The following TXK variants were observed in gnomAD, a reference collection of about 807,000 sequenced individuals.
TXK encodes TXK tyrosine kinase.
A neutral mutation model predicts 81.0 loss-of-function variants in TXK; 60 were observed. The observed-to-expected ratio is 0.74, with a 90% CI of 0.60 to 0.92. TXK has a LOEUF of 0.92. Among genes scored for constraint, TXK ranks in the 40% least tolerant of loss-of-function variants. TXK has a pLI of 0.00. For missense variants in TXK, 581 were observed against 638.3 expected (o/e 0.91, Z 0.97); for synonymous variants, 203 against 210.7 (o/e 0.96, Z 0.32).
chr4:48,101,741 A>G (rs1397851762), intron 6 of TXK, among the ~76,000 whole-genome samples: 1 of 151,958 alleles, frequency 6.6e-6, no homozygotes, highest in South Asian at 2.1e-4. Flanking sequence ...AATACATTTA[A>G]AAGAGGATAG....
At chr4:48,102,241 A>G (rs1718223968) in intron 6 of TXK, among the ~76,000 whole-genome samples, 1 of 152,228 alleles carries the variant, frequency 6.6e-6, no homozygotes, top group Non-Finnish European at 1.5e-5. Context: ...GGCCTCCCGA[A>G]GTGCTGGGAT....
At chr4:48,105,361 T>C (rs1254403729) in intron 5 of TXK, among the ~76,000 whole-genome samples, 2 of 152,204 alleles carry the variant, frequency 1.3e-5, no homozygotes, top group Non-Finnish European at 2.9e-5. Context: ...GGTGCTTTGT[T>C]ACCCCTTCCA....
intron 11 of TXK, among the ~76,000 whole-genome samples, chr4:48,078,410 T>C (rs560903288): frequency 4.4e-4 from 67 of 152,290 alleles, no homozygotes; most frequent in Admixed American, 1.6e-3. Flanking sequence ...ACTTTGATCA[T>C]GTGTGATGGA....
intron 6 of TXK, among the ~76,000 whole-genome samples, chr4:48,101,381 G>C (rs1296453937): frequency 6.6e-6 from 1 of 152,076 alleles, no homozygotes; most frequent in Non-Finnish European, 1.5e-5. Flanking sequence ...TCCAGAGATT[G>C]GAAAGACAGA....
intron 8 of TXK, among the ~76,000 whole-genome samples, chr4:48,090,493 T>C (rs1408736710): frequency 6.6e-6 from 1 of 152,238 alleles, no homozygotes; most frequent in Admixed American, 6.5e-5. Flanking sequence ...TATAGATTTC[T>C]ATACATCAAA....
chr4:48,106,965 T>C (rs1718478349), intron 5 of TXK, among the ~76,000 whole-genome samples: 1 of 152,190 alleles, frequency 6.6e-6, no homozygotes. Flanking sequence ...TTTATAAGTT[T>C]AGTTTATTAG....
intron 6 of TXK, among the ~76,000 whole-genome samples, chr4:48,098,263 T>A (rs2109442180): frequency 6.6e-6 from 1 of 152,272 alleles, no homozygotes; most frequent in East Asian, 1.9e-4. Flanking sequence ...GTCTTATCAA[T>A]GTAAAAATTC....
At chr4:48,126,441 A>G (rs538345847) in intron 1 of TXK, among the ~76,000 whole-genome samples, 3 of 152,208 alleles carry the variant, frequency 2.0e-5, no homozygotes, top group African/African-American at 7.2e-5. Context: ...GGCTATGAGT[A>G]GTTACATTTT....
intron 14 of TXK, among the ~76,000 whole-genome samples, chr4:48,070,149 A>G (rs998221501): frequency 6.6e-6 from 1 of 152,204 alleles, no homozygotes; most frequent in African/African-American, 2.4e-5. Context: ...CTTCTCATCA[A>G]GCTGCAATTT....
At chr4:48,133,853 C>T (rs1719307295) in intron 1 of TXK, among the ~76,000 whole-genome samples, 1 of 152,194 alleles carries the variant, frequency 6.6e-6, no homozygotes, top group Non-Finnish European at 1.5e-5. Flanking sequence ...GAGCTCATTA[C>T]AGTCTCATTC....
intron 1 of TXK, among the ~76,000 whole-genome samples, chr4:48,133,675 A>G (rs1162707993): frequency 2.0e-5 from 3 of 152,270 alleles, no homozygotes; most frequent in African/African-American, 7.2e-5. Context: ...ATTTCAGAGT[A>G]TAAACACAGT....
At position 48,080,133 on chromosome 4, in the gene TXK, T is replaced by C. The variant is rs773791710; in HGVS notation, c.957-5A>G. On this transcript the variant is annotated splice_polypyrimidine_tract_variant and splice_region_variant and intron_variant, in intron 10 of 14. Transcript: ENST00000264316. Reference sequence around the variant, plus strand: ...AGCTTTGAATGAGATAATTTCCTGGTGAAGAAAAACATACACCAGTGAGCA... The same window carrying C: ...AGCTTTGAATGAGATAATTTCCTGGCGAAGAAAAACATACACCAGTGAGCA... 6.2e-7 allele frequency: 1 copy of C among 1,609,720 alleles called. No homozygotes were observed. The highest frequency in any genetic ancestry group is 8.5e-7 in the Non-Finnish European group (1 of 1,176,122).
chr4:48,089,825 C>A lies in TXK; in HGVS notation c.710-1G>T, dbSNP rs1025510795. ...GGATATCGGAGACGAGTCATGAGAC[C>A]TAAGGAGAAAGAGAAATCAATATTT... On this transcript the variant is annotated splice_acceptor_variant, in intron 8 of 14. Transcript: ENST00000264316. LOFTEE classifies it high-confidence loss of function. The A allele has an allele frequency of 6.2e-7, 1 of 1,610,406 alleles. No homozygotes were observed. Among genetic ancestry groups the A allele is most frequent in the Middle Eastern group, 1.7e-4 (1 of 6,042 alleles).
intron 6 of TXK, among the ~76,000 whole-genome samples, chr4:48,098,027 A>G (rs1013329790): frequency 6.6e-6 from 1 of 151,974 alleles, no homozygotes; most frequent in African/African-American, 2.4e-5. Flanking sequence ...GATTACAGGC[A>G]TGAGCCACCA....
At chr4:48,090,979 G>T (rs1451722519) in intron 8 of TXK, among the ~76,000 whole-genome samples, 1 of 152,210 alleles carries the variant, frequency 6.6e-6, no homozygotes, top group East Asian at 1.9e-4. Context: ...AGTGCCTATT[G>T]TGTGCAAGGC....
intron 14 of TXK, among the ~76,000 whole-genome samples, chr4:48,069,094 G>GCC (rs1716728857): frequency 8.7e-6 from 1 of 115,398 alleles, no homozygotes; most frequent in Admixed American, 9.2e-5. Flanking sequence ...AAGGTAGGAG[G>GCC]ACTGCTTGAG....
rs1716644233 is a variant in TXK, at chr4:48,067,334, C to T, written c.*303G>A. The T allele has an allele frequency of 1.1e-5, 3 of 283,328 alleles. 1 individual carries two copies. Among genetic ancestry groups the T allele is most frequent in the African/African-American group, 6.6e-5 (3 of 45,612 alleles). 17.6% of individuals were successfully genotyped at this position (283,328 alleles called of 1,614,324 possible). On this transcript the variant is annotated 3_prime_UTR_variant, in exon 15 of 15. Coordinates refer to ENST00000264316, the MANE Select transcript of TXK (RefSeq NM_003328.3). ...AGAAGAACCTCAAGGGTTCCTGGGG[C>T]TATGATCATGAAGAGCACCACAATG...
At chr4:48,100,915 T>TA (rs1298310573) in intron 6 of TXK, among the ~76,000 whole-genome samples, 3 of 151,812 alleles carry the variant, frequency 2.0e-5, no homozygotes, top group Non-Finnish European at 2.9e-5. Flanking sequence ...TATCCTTATG[T>TA]AAAAAAATAT....
intron 10 of TXK, among the ~76,000 whole-genome samples, chr4:48,081,658 A>T (rs769159901): frequency 6.6e-6 from 1 of 152,122 alleles, no homozygotes; most frequent in Non-Finnish European, 1.5e-5. Flanking sequence ...CAGGGTTTTA[A>T]ATATCATCAT....
Sources: allele counts gnomAD v4.1 joint callset (sites outside exome capture counted in the v4.1 genomes callset), GRCh38; gene constraint gnomAD v4.1.1; transcripts MANE v1.5; gene names NCBI Gene and HGNC (gene_info 2026-07-23, HGNC 2026-07-21).